COG7: variants seen among roughly 807,000 people sequenced by gnomAD.
COG7 encodes the protein conserved oligomeric Golgi complex subunit 7.
Under a neutral mutation model 91.5 loss-of-function variants are expected in COG7, and 49 were observed. That is an observed-to-expected ratio of 0.54 (90% CI 0.43 to 0.68). The LOEUF (loss-of-function observed/expected upper bound fraction) is 0.68, where lower values mean the gene tolerates loss of function less well. COG7 is among the 30% of genes least tolerant of loss of function. The pLI is 0.00. For missense variants in COG7, 895 were observed against 961.3 expected (o/e 0.93, Z 0.91); for synonymous variants, 365 against 388.7 (o/e 0.94, Z 0.72).
chr16:23,418,975 A>T (rs956643208), intron 7 of COG7, 148 bp from the exon 8 acceptor site: 13 of 731,812 alleles, frequency 1.8e-5, no homozygotes, highest in Non-Finnish European at 2.4e-5. Flanking sequence ...TTTATCATTC[A>T]TGGAAGCTTC....
At chr16:23,434,545 C>A (rs1484879248) in intron 5 of COG7, 91 bp downstream of exon 5, 1 of 992,834 alleles carries the variant, frequency 1.0e-6, no homozygotes, top group Admixed American at 1.9e-5. Context: ...GACAAATGTT[C>A]TTACCTTCTG....
chr16:23,440,474 T>C (rs1964082964), intron 4 of COG7, among the ~76,000 whole-genome samples: 1 of 150,220 alleles, frequency 6.7e-6, no homozygotes. Context: ...TAACAAAAAT[T>C]AAAAATTAAT....
chr16:23,444,557 A>G (rs138729143), intron 3 of COG7, among the ~76,000 whole-genome samples: 52 of 144,646 alleles, frequency 3.6e-4, no homozygotes, highest in Non-Finnish European at 6.7e-4. Flanking sequence ...GTCCCTCAGC[A>G]TAGTGGTATG....
chr16:23,398,427 G>C (rs959056838), intron 13 of COG7, among the ~76,000 whole-genome samples: 1 of 152,198 alleles, frequency 6.6e-6, no homozygotes, highest in Non-Finnish European at 1.5e-5. Context: ...CATTTATCTC[G>C]CTGAGATTGT....
At chr16:23,404,853 G>C (rs1963433922) in intron 12 of COG7, among the ~76,000 whole-genome samples, 1 of 152,210 alleles carries the variant, frequency 6.6e-6, no homozygotes, top group Non-Finnish European at 1.5e-5. Context: ...CGGGGAGGCA[G>C]AGGTTGCAGT....
chr16:23,400,207 T>C (rs890003032), intron 13 of COG7, among the ~76,000 whole-genome samples: 5 of 151,730 alleles, frequency 3.3e-5, no homozygotes, highest in Admixed American at 3.3e-4. Context: ...TGAGGAGAGA[T>C]AAAACCAAAA....
At chr16:23,434,248 C>A (rs974601047) in intron 5 of COG7, among the ~76,000 whole-genome samples, 16 of 152,060 alleles carry the variant, frequency 1.1e-4, no homozygotes, top group East Asian at 5.8e-4. Flanking sequence ...GAATAGTCAC[C>A]GCACTCCAGG....
intron 13 of COG7, among the ~76,000 whole-genome samples, chr16:23,403,409 A>G (rs1567331031): frequency 6.6e-6 from 1 of 152,260 alleles, no homozygotes. Context: ...GAAGCTGCAC[A>G]TAATCTCTAT....
In COG7 at chr16:23,406,066, G is replaced by C; in HGVS notation, c.1662+10C>G. 6.2e-7 allele frequency: 1 copy of C among 1,610,132 alleles called. No individual in the cohort carries two copies. Among genetic ancestry groups the C allele is most frequent in the African/African-American group, 1.3e-5 (1 of 74,964 alleles). ...TCATTTGCAAGAATGCCATTCATTTGGTCTCATACCTTAAGGGTATAAAGT... is the reference window on the plus strand; with the variant it reads ...TCATTTGCAAGAATGCCATTCATTTCGTCTCATACCTTAAGGGTATAAAGT... On this transcript the variant is annotated intron_variant, in intron 12 of 16. Transcript: ENST00000307149.
intron 3 of COG7, among the ~76,000 whole-genome samples, chr16:23,443,590 C>G (rs912714621): frequency 2.6e-5 from 4 of 152,040 alleles, no homozygotes; most frequent in African/African-American, 9.7e-5. Context: ...ACTCGGGAGG[C>G]TGAGGCAGGA....
At chr16:23,438,310 G>A (rs1964044364) in intron 4 of COG7, among the ~76,000 whole-genome samples, 1 of 152,182 alleles carries the variant, frequency 6.6e-6, no homozygotes, top group Non-Finnish European at 1.5e-5. Context: ...TGTAATCTCA[G>A]GACTTTGAGA....
chr16:23,412,459 G>A (rs1963579192), intron 10 of COG7: 1 of 152,234 alleles, frequency 6.6e-6, no homozygotes, highest in Non-Finnish European at 1.5e-5. Flanking sequence ...AAACTGCAAT[G>A]ATCAAACATG....
Position 23,402,689 on chromosome 16 carries a change from G to A in COG7, c.1803+1005C>T, listed in dbSNP as rs1044201268. Among the ~76,000 whole-genome samples, 7 of 152,166 alleles carry A rather than the reference G, an allele frequency of 4.6e-5. No homozygotes were observed. The East Asian group carries it at 7.7e-4, about 17-fold the overall frequency. On this transcript the variant is annotated intron_variant, in intron 13 of 16. Transcript: ENST00000307149. Reference sequence around the variant, plus strand: ...TCCTCCACTTTACGTCCCCTTCTGCGCTACAAATACAAAATCTGATTGAAA... The same window carrying A: ...TCCTCCACTTTACGTCCCCTTCTGCACTACAAATACAAAATCTGATTGAAA...
At chr16:23,438,157 T>C (rs1246011070) in intron 4 of COG7, among the ~76,000 whole-genome samples, 1 of 151,200 alleles carries the variant, frequency 6.6e-6, no homozygotes, top group African/African-American at 2.4e-5. Flanking sequence ...ACACAATCCA[T>C]GGAATGGGAG....
At position 23,410,290 on chromosome 16, in the gene COG7, C is replaced by G; in HGVS notation, c.1475+5G>C. On this transcript the variant is annotated splice_donor_5th_base_variant and intron_variant, in intron 11 of 16. Coordinates refer to ENST00000307149, the MANE Select transcript of COG7 (RefSeq NM_153603.4). ...GTGTAGAGGACAATGACTCCTCTCTCCTACCTGTTGGCTAGCTGCTGCTCG... is the reference window on the plus strand; with the variant it reads ...GTGTAGAGGACAATGACTCCTCTCTGCTACCTGTTGGCTAGCTGCTGCTCG... 6.2e-7 allele frequency: 1 copy of G among 1,613,542 alleles called. No homozygotes were observed.
chr16:23,429,501 G>A (rs1294627068), intron 6 of COG7, among the ~76,000 whole-genome samples: 1 of 151,916 alleles, frequency 6.6e-6, no homozygotes, highest in Non-Finnish European at 1.5e-5. Context: ...AGTGGCTCAC[G>A]CTTGTAATCC....
rs188375844 is a variant in COG7 at position 23,415,004 on chromosome 16, T to G, written c.1293-1440A>C. On this transcript the variant is annotated intron_variant, in intron 9 of 16. Transcript: ENST00000307149. The stretch of plus-strand genomic sequence containing the variant: ...TGCAGTGGAGACACAGGCCACTCAA[T>G]GAACCAACTGGAAGAAACGGCTTCA... 291 of 152,322 alleles carry G rather than the reference T, an allele frequency of 1.9e-3. 3 individuals are homozygous for G. The highest frequency in any genetic ancestry group is 6.9e-3 in the African/African-American group (287 of 41,558). The allele number at this position is 152,322 out of a possible 1,614,324, so 9.4% of individuals were successfully genotyped here. A position where few individuals can be genotyped will look rare whatever the true frequency, so the allele number is the denominator to read the frequency against.
At chr16:23,409,103 G>GCGCGCGTGCA (rs1963520927) in intron 11 of COG7, among the ~76,000 whole-genome samples, 1 of 151,670 alleles carries the variant, frequency 6.6e-6, no homozygotes, top group African/African-American at 2.4e-5. Flanking sequence ...GCATGTGTGT[G>GCGCGCGTGCA]TGTGTGTGTG....
At chr16:23,433,819 G>GAAAAA in intron 5 of COG7, 152 bp from the exon 6 acceptor site, 3 of 593,682 alleles carry the variant, frequency 5.1e-6, no homozygotes, top group African/African-American at 2.0e-5. Flanking sequence ...AGAAAGGCAG[G>GAAAAA]AAAAAAAAAA....
Sources: allele counts gnomAD v4.1 joint callset (sites outside exome capture counted in the v4.1 genomes callset), GRCh38; gene constraint gnomAD v4.1.1; transcripts MANE v1.5; gene names NCBI Gene and HGNC (gene_info 2026-07-23, HGNC 2026-07-21).